Variants in KIF2C observed in about 807,000 individuals in gnomAD.
The protein encoded by KIF2C is kinesin family member 2C, also known as kinesin-like protein KIF2C.
KIF2C carries 34 observed loss-of-function variants against 97.4 expected under a neutral mutation model. That is an observed-to-expected ratio of 0.35 (90% confidence interval 0.27 to 0.46). The LOEUF (loss-of-function observed/expected upper bound fraction) is 0.46. KIF2C is among the 20% of genes least tolerant of loss of function. The pLI, the probability that KIF2C is intolerant of heterozygous loss-of-function variation, is 1.00. For synonymous variants in KIF2C, 313 were observed against 318.2 expected (o/e 0.98, Z 0.17); for missense variants, 750 against 907.6 (o/e 0.83, Z 2.23).
In KIF2C at chr1:44,757,600, A is replaced by G. The variant is rs1557597694; in HGVS notation, c.1022A>G (p.Lys341Arg). The G allele has an allele frequency of 6.2e-7, 1 of 1,613,960 alleles. No individual in the cohort carries two copies. Among genetic ancestry groups the G allele is most frequent in the East Asian group, 2.2e-5 (1 of 44,864 alleles). The change falls in exon 11 of 21, where the codon AAA (lysine) becomes AGA (arginine). Residue 341 changes from lysine to arginine, a missense_variant. Lys to Arg is a conservative substitution (Grantham distance 26, BLOSUM62 2). Transcript: ENST00000372224. ...GTACAGACAATCTTTGAAGGTGGAA[A>G]AGCAACTTGTTTTGCATATGGCCAG... ...PLVQTIFEGG[K>R]ATCFAYGQTG...
rs761836210 is a variant in KIF2C at position 44,757,608 on chromosome 1, T to C, written c.1030T>C (p.Cys344Arg). The change falls in exon 11 of 21, where the codon TGT (cysteine) becomes CGT (arginine). Residue 344 changes from cysteine to arginine, a missense_variant. Transcript: ENST00000372224. ...QTIFEGGKATCFAYGQTGSGK... is the reference protein window; with the variant it reads ...QTIFEGGKATRFAYGQTGSGK... ...AATCTTTGAAGGTGGAAAAGCAACTTGTTTTGCATATGGCCAGACAGGAAG... is the reference window on the plus strand; with the variant it reads ...AATCTTTGAAGGTGGAAAAGCAACTCGTTTTGCATATGGCCAGACAGGAAG... The C allele has an allele frequency of 6.2e-7, 1 of 1,613,816 alleles. No individual in the cohort carries two copies. The highest frequency in any genetic ancestry group is 1.1e-5 in the South Asian group (1 of 91,080).
intron 5 of KIF2C, among the ~76,000 whole-genome samples, chr1:44,751,520 T>C (rs1649513744): frequency 6.6e-6 from 1 of 150,942 alleles, no homozygotes; most frequent in African/African-American, 2.4e-5. Context: ...TTTTTTTTTT[T>C]TTTTTGAGAC....
intron 8 of KIF2C, 40 bp downstream of exon 8, chr1:44,754,885 A>C: frequency 8.2e-7 from 1 of 1,226,220 alleles, no homozygotes; most frequent in Non-Finnish European, 1.2e-6. Context: ...TAAGTGTACA[A>C]TTGAGAGACA....
chr1:44,762,577 G>A lies in KIF2C; in HGVS notation c.1890G>A (p.Gln630=). 1 of 1,614,188 alleles carries A rather than the reference G, an allele frequency of 6.2e-7. No individual in the cohort carries two copies. Among genetic ancestry groups the A allele is most frequent in the East Asian group, 2.2e-5 (1 of 44,884 alleles). ...LSKEEEELSS[Q]MSSFNEAMTQ... ...AGGAAGAGGAGGAACTGTCTTCCCA[G>A]ATGTCCAGCTTTAACGAAGCCATGA... Residue 630 remains glutamine (Q), a synonymous_variant, in exon 19 of 21, where the codon CAG becomes CAA. Coordinates refer to ENST00000372224, the MANE Select transcript of KIF2C (RefSeq NM_006845.4).
Position 44,759,064 on chromosome 1 carries a change from T to A in KIF2C, c.1225-142T>A, listed in dbSNP as rs1428751547. Reference sequence around the variant, plus strand: ...AGATCCCAAGTATATTGACCTCTGCTAGGCTGACATCCATCAGTTCGTATT... The same window carrying A: ...AGATCCCAAGTATATTGACCTCTGCAAGGCTGACATCCATCAGTTCGTATT... On this transcript the variant is annotated intron_variant, in intron 13 of 20. Coordinates refer to ENST00000372224, the MANE Select transcript of KIF2C (RefSeq NM_006845.4). 21 of 1,050,420 alleles carry A rather than the reference T, an allele frequency of 2.0e-5. No homozygotes were observed. The African/African-American group carries it at 2.8e-4, about 14-fold the overall frequency. The allele number at this position is 1,050,420 out of a possible 1,614,324, so 65.1% of individuals were successfully genotyped here.
At position 44,759,251 on chromosome 1, in the gene KIF2C, G is replaced by A; in HGVS notation, c.1270G>A (p.Asp424Asn). The A allele has an allele frequency of 3.7e-6, 6 of 1,614,180 alleles. No homozygotes were observed. Among genetic ancestry groups the A allele is most frequent in the Non-Finnish European group, 5.1e-6 (6 of 1,180,042 alleles). Reference protein sequence around the residue: ...NKKAKLRVLEDGKQQVQVVGL... With the variant: ...NKKAKLRVLENGKQQVQVVGL... Reference sequence around the variant, plus strand: ...GAAGGCCAAGCTGCGCGTGCTGGAGGACGGCAAGCAACAGGTGCAAGTGGT... The same window carrying A: ...GAAGGCCAAGCTGCGCGTGCTGGAGAACGGCAAGCAACAGGTGCAAGTGGT... The change falls in exon 14 of 21, where the codon GAC becomes AAC. Residue 424 changes from aspartate (D) to asparagine (N), a missense_variant. Physicochemically the swap from Asp to Asn is conservative, Grantham distance 23 (BLOSUM62 1). Transcript: ENST00000372224.
In KIF2C at chr1:44,750,545, C is replaced by A; in HGVS notation, c.420C>A (p.Arg140=). The A allele has an allele frequency of 6.3e-7, 1 of 1,583,442 alleles. No homozygotes were observed. The highest frequency in any genetic ancestry group is 1.1e-5 in the South Asian group (1 of 87,610). The change falls in exon 5 of 21, where the codon CGC becomes CGA. Residue 140 remains arginine (R), a synonymous_variant. Coordinates refer to ENST00000372224, the MANE Select transcript of KIF2C (RefSeq NM_006845.4). The part of the protein sequence containing the change: ...EVELPAAANS[R]KQFSVPPAPT... The stretch of plus-strand genomic sequence containing the variant: ...AGCTGCCTGCAGCTGCAAACTCCCG[C>A]AAGCAGTTTTCAGTTCCTCGTGAGT...
At chr1:44,741,364 A>G (rs1048188409) in intron 2 of KIF2C, among the ~76,000 whole-genome samples, 2 of 147,530 alleles carry the variant, frequency 1.4e-5, no homozygotes, top group Non-Finnish European at 3.0e-5. Context: ...CCTGGGTGAC[A>G]GTGAGAATCT....
intron 19 of KIF2C, among the ~76,000 whole-genome samples, chr1:44,763,418 G>A (rs1025301653): frequency 2.6e-5 from 4 of 152,290 alleles, no homozygotes; most frequent in Non-Finnish European, 4.4e-5. Context: ...AGTGCTCAGG[G>A]GTACAGAGTT....
intron 7 of KIF2C, 51 bp from the exon 8 acceptor site, chr1:44,754,699 G>C (rs979949265): frequency 9.4e-7 from 1 of 1,063,436 alleles, no homozygotes; most frequent in East Asian, 2.4e-5. Flanking sequence ...AGGGGTCTGA[G>C]AGCACTTATA....
Position 44,753,556 on chromosome 1 carries a change from C to T in KIF2C, c.563-177C>T, listed in dbSNP as rs375871630. 2.6e-5 allele frequency among the ~76,000 whole-genome samples: 4 copies of T among 152,056 alleles called. No homozygotes were observed. In the South Asian group the frequency reaches 6.3e-4, roughly 24 times the overall value. On this transcript the variant is annotated intron_variant, in intron 6 of 20. Coordinates refer to ENST00000372224, the MANE Select transcript of KIF2C (RefSeq NM_006845.4). ...CACTACTTTGTGGACTTGTCCATCC[C>T]GAGAGTCACATCTATTACTTCTTTT...
chr1:44,757,856 T>C, intron 11 of KIF2C, 52 bp from the exon 12 acceptor site: 1 of 1,571,914 alleles, frequency 6.4e-7, no homozygotes, highest in South Asian at 1.1e-5. Flanking sequence ...AGTAGTGCTC[T>C]GCTCTAGGCC....
intron 4 of KIF2C, 155 bp from the exon 5 acceptor site, chr1:44,750,286 CT>C: frequency 1.3e-6 from 1 of 744,402 alleles, no homozygotes; most frequent in South Asian, 4.9e-5. Flanking sequence ...GGTACTTGGT[CT>C]TTCTAATTTT....
chr1:44,756,544 C>CTTTTTTT (rs67641740), intron 10 of KIF2C, among the ~76,000 whole-genome samples: 5 of 65,258 alleles, frequency 7.7e-5, no homozygotes, highest in Non-Finnish European at 1.1e-4. Context: ...GCTCTATCTG[C>CTTTTTTT]TTTTTTTTTT....
chr1:44,753,856 G>GT (rs774155687), intron 7 of KIF2C, 23 bp downstream of exon 7: 1 of 1,499,018 alleles, frequency 6.7e-7, no homozygotes, highest in Non-Finnish European at 9.1e-7. Flanking sequence ...GGAGACTAGG[G>GT]TAAGGGTTTT....
At position 44,745,464 on chromosome 1, in the gene KIF2C, CTTTTTTTTTT is replaced by C. The variant is rs869293971; in HGVS notation, c.166-1903_166-1894del. Among the ~76,000 whole-genome samples, 5 of 38,348 alleles carry C rather than the reference CTTTTTTTTTT, an allele frequency of 1.3e-4. No homozygotes were observed. In the South Asian group the frequency reaches 3.1e-3, roughly 24 times the overall value. 25.2% of individuals were successfully genotyped at this position (38,348 alleles called of 152,430 possible). A position where few individuals can be genotyped will look rare whatever the true frequency, so the allele number is the denominator to read the frequency against. ...TCATGGTGGCAGGGGTTGTATATGT[CTTTTTTTTTT>C]TTTTTTTTTTTTTTTTGAGACAGTG... is the stretch of plus-strand genomic sequence containing the variant. On this transcript the variant is annotated intron_variant, in intron 2 of 20. Coordinates refer to ENST00000372224, the MANE Select transcript of KIF2C (RefSeq NM_006845.4).
At chr1:44,745,599 G>A (rs554033560) in intron 2 of KIF2C, among the ~76,000 whole-genome samples, 1 of 145,536 alleles carries the variant, frequency 6.9e-6, no homozygotes, top group African/African-American at 2.5e-5. Context: ...TCAGCCTCCC[G>A]AGTAGCTGAG....
At chr1:44,745,827 G>A (rs1649165790) in intron 2 of KIF2C, among the ~76,000 whole-genome samples, 1 of 151,586 alleles carries the variant, frequency 6.6e-6, no homozygotes, top group African/African-American at 2.4e-5. Context: ...TGTCTTCGTG[G>A]TGCCTAACAA....
intron 5 of KIF2C, 117 bp from the exon 6 acceptor site, chr1:44,753,015 T>C (rs929600251): frequency 1.7e-5 from 22 of 1,276,530 alleles, no homozygotes; most frequent in East Asian, 2.4e-5. Flanking sequence ...CTGCACATAC[T>C]GTAAGCCTTA....
Sources: allele counts gnomAD v4.1 joint callset (sites outside exome capture counted in the v4.1 genomes callset), GRCh38; gene constraint gnomAD v4.1.1; transcripts MANE v1.5; gene names NCBI Gene and HGNC (gene_info 2026-07-23, HGNC 2026-07-21).